Variants in SHOC1 observed in about 807,000 individuals in gnomAD.
SHOC1 encodes the protein shortage in chiasmata 1, also known as protein shortage in chiasmata 1 ortholog.
Under a neutral mutation model 179.2 loss-of-function variants are expected in SHOC1, and 136 were observed. That is an observed-to-expected ratio of 0.76 (90% confidence interval 0.66 to 0.87). SHOC1 has a LOEUF of 0.87. Among genes scored for constraint, SHOC1 ranks in the 40% least tolerant of loss-of-function variants. The probability of loss-of-function intolerance (pLI) is 0.00; values close to 1 mark genes in which losing one functional copy is unlikely to be tolerated. For missense variants in SHOC1, 1,538 were observed against 1,700.8 expected (o/e 0.90, Z 1.68); for synonymous variants, 489 against 586.6 (o/e 0.83, Z 2.41).
intron 9 of SHOC1, among the ~76,000 whole-genome samples, chr9:111,747,612 T>C (rs1282813401): frequency 6.6e-6 from 1 of 152,148 alleles, no homozygotes; most frequent in Non-Finnish European, 1.5e-5. Context: ...AGACAGAGTC[T>C]AGCTGTTGCC....
intron 24 of SHOC1, among the ~76,000 whole-genome samples, chr9:111,695,557 T>C (rs910211853): frequency 2.0e-5 from 3 of 152,188 alleles, no homozygotes; most frequent in Non-Finnish European, 4.4e-5. Context: ...ACACGCTCTT[T>C]GAGGCTGAAG....
chr9:111,758,054 TA>T, intron 7 of SHOC1, 29 bp downstream of exon 7: 1 of 1,194,284 alleles, frequency 8.4e-7, no homozygotes, highest in Non-Finnish European at 1.2e-6. Flanking sequence ...CTACTTTTAC[TA>T]AAATATTATT....
chr9:111,781,322 C>T (rs966239759), intron 3 of SHOC1, among the ~76,000 whole-genome samples: 1 of 152,156 alleles, frequency 6.6e-6, no homozygotes. Context: ...TCATGCTATA[C>T]CTCATGAAGC....
chr9:111,689,007 C>G (rs1441155173), intron 27 of SHOC1, among the ~76,000 whole-genome samples: 1 of 151,932 alleles, frequency 6.6e-6, no homozygotes, highest in Non-Finnish European at 1.5e-5. Flanking sequence ...AAATGGAAAA[C>G]TAAAAATTAT....
At chr9:111,686,929 T>C (rs1178466986) in intron 27 of SHOC1, 59 bp from the exon 28 acceptor site, 2 of 1,109,698 alleles carry the variant, frequency 1.8e-6, no homozygotes, top group East Asian at 5.2e-5. Context: ...AGTATAGGTT[T>C]TTTCTTTTCC....
chr9:111,758,622 C>A (rs1834987163), intron 6 of SHOC1, 73 bp downstream of exon 6: 4 of 1,335,186 alleles, frequency 3.0e-6, no homozygotes, highest in Non-Finnish European at 4.1e-6. Context: ...TTGATAACAT[C>A]TAAGCTTGTG....
At chr9:111,784,791 TG>T (rs1015354706) in intron 3 of SHOC1, among the ~76,000 whole-genome samples, 2 of 152,172 alleles carry the variant, frequency 1.3e-5, no homozygotes, top group African/African-American at 4.8e-5. Flanking sequence ...TCCTGGTTCA[TG>T]GGTGGCTGTC....
At chr9:111,724,815 G>T (rs1833225138) in intron 13 of SHOC1, among the ~76,000 whole-genome samples, 1 of 152,162 alleles carries the variant, frequency 6.6e-6, no homozygotes, top group Admixed American at 6.5e-5. Flanking sequence ...GAATTGAAAT[G>T]ATCTATCTGC....
intron 16 of SHOC1, among the ~76,000 whole-genome samples, chr9:111,717,370 G>C (rs1457697580): frequency 6.6e-6 from 1 of 152,152 alleles, no homozygotes; most frequent in African/African-American, 2.4e-5. Context: ...AAGGCGGGTG[G>C]ATCACCTGAG....
Position 111,713,163 on chromosome 9 carries a change from TA to T in SHOC1, c.2424del (p.Ile809Ter). ...TCACCGTCTGAGTCCATTCTTATTA[TA>T]ATCAGTACCTAGTCAAAAATAAAAA... The part of the protein sequence containing the change: ...MQSQQQIKVL[I>X]IIRMDSDGEK... On this transcript the variant is annotated frameshift_variant, in exon 18 of 28. Coordinates refer to ENST00000682961, the MANE Select transcript of SHOC1 (RefSeq NM_001378211.1). LOFTEE classifies it high-confidence loss of function. 1 of 1,538,836 alleles carries T rather than the reference TA, an allele frequency of 6.5e-7. No homozygotes were observed. Among genetic ancestry groups the T allele is most frequent in the Non-Finnish European group, 8.9e-7 (1 of 1,119,148 alleles).
intron 1 of SHOC1, among the ~76,000 whole-genome samples, chr9:111,793,977 G>A (rs1447394266): frequency 2.0e-5 from 3 of 151,902 alleles, no homozygotes; most frequent in African/African-American, 7.3e-5. Context: ...TCAGCCTCCC[G>A]AGTAGCTGGG....
intron 2 of SHOC1, among the ~76,000 whole-genome samples, chr9:111,789,441 A>G (rs1836376035): frequency 1.3e-5 from 2 of 152,194 alleles, no homozygotes; most frequent in African/African-American, 2.4e-5. Context: ...TTCACCTTTG[A>G]TCATGAAAAA....
chr9:111,707,836 T>C lies in SHOC1; in HGVS notation c.2558+19A>G, dbSNP rs766686643. On this transcript the variant is annotated intron_variant, in intron 19 of 27. Coordinates refer to ENST00000682961, the MANE Select transcript of SHOC1 (RefSeq NM_001378211.1). The stretch of plus-strand genomic sequence containing the variant: ...AACTGGTACGTTTGTTCCTCACAGA[T>C]GAAGGAATGAATTTTTACCCCCTTA... 1.3e-6 allele frequency: 2 copies of C among 1,497,244 alleles called. No homozygotes were observed. Among genetic ancestry groups the C allele is most frequent in the African/African-American group, 1.4e-5 (1 of 69,994 alleles). 92.7% of individuals were successfully genotyped at this position (1,497,244 alleles called of 1,614,324 possible).
At chr9:111,780,823 T>A (rs1836009044) in intron 4 of SHOC1, 107 bp downstream of exon 4, 1 of 719,256 alleles carries the variant, frequency 1.4e-6, no homozygotes. Flanking sequence ...AAGAAGAAAA[T>A]CCATGAAGAG....
At chr9:111,720,549 T>C (rs1471945663) in intron 15 of SHOC1, among the ~76,000 whole-genome samples, 1 of 152,210 alleles carries the variant, frequency 6.6e-6, no homozygotes, top group Non-Finnish European at 1.5e-5. Flanking sequence ...TTCCATTTAC[T>C]CTCTTTTCTC....
chr9:111,717,290 A>G (rs1832833816), intron 16 of SHOC1, among the ~76,000 whole-genome samples: 1 of 152,148 alleles, frequency 6.6e-6, no homozygotes, highest in African/African-American at 2.4e-5. Context: ...TTCCATAAAC[A>G]TACCATTGTT....
chr9:111,717,958 T>C (rs1832870568), intron 16 of SHOC1, among the ~76,000 whole-genome samples: 1 of 152,164 alleles, frequency 6.6e-6, no homozygotes, highest in Admixed American at 6.6e-5. Flanking sequence ...CCTAAACCTA[T>C]TTTTCTAGGT....
At chr9:111,776,306 T>C (rs1327760714) in intron 4 of SHOC1, among the ~76,000 whole-genome samples, 1 of 152,238 alleles carries the variant, frequency 6.6e-6, no homozygotes, top group Non-Finnish European at 1.5e-5. Flanking sequence ...AATCATAATT[T>C]ATTCAACCAA....
chr9:111,789,161 C>G (rs1341581017), intron 2 of SHOC1, among the ~76,000 whole-genome samples: 2 of 151,732 alleles, frequency 1.3e-5, no homozygotes, highest in Admixed American at 1.3e-4. Flanking sequence ...TTAATGTTTG[C>G]TGAAGGTGTT....
Sources: allele counts gnomAD v4.1 joint callset (sites outside exome capture counted in the v4.1 genomes callset), GRCh38; gene constraint gnomAD v4.1.1; transcripts MANE v1.5; gene names NCBI Gene and HGNC (gene_info 2026-07-23, HGNC 2026-07-21).